The following PSMA6 variants were observed in gnomAD, a reference collection of about 807,000 sequenced individuals.
PSMA6 encodes proteasome 20S subunit alpha 6, also known as proteasome subunit alpha type-6.
For synonymous variants in PSMA6, 88 were observed against 97.7 expected (o/e 0.90, Z 0.59); for missense variants, 170 against 294.8 (o/e 0.58, Z 3.10).
chr14:35,291,322 G>C (rs2138710818), upstream of PSMA6, among the ~76,000 whole-genome samples: 1 of 151,240 alleles, frequency 6.6e-6, no homozygotes, highest in Middle Eastern at 3.5e-3. Flanking sequence ...GGTTCACGCC[G>C]TTCTCCTGCC....
chr14:35,294,182 A>G (rs1259028344), intron 1 of PSMA6, among the ~76,000 whole-genome samples: 1 of 152,188 alleles, frequency 6.6e-6, no homozygotes, highest in East Asian at 1.9e-4. Context: ...CTGGGATTAC[A>G]GGCATGCGCC....
chr14:35,310,981 G>C (rs775889755), intron 4 of PSMA6, 86 bp downstream of exon 4: 5 of 1,349,142 alleles, frequency 3.7e-6, no homozygotes, highest in Non-Finnish European at 5.1e-6. Context: ...AATAACACTT[G>C]AGTTCTGAAC....
rs144537727 is a variant in PSMA6, at chr14:35,295,002, G to A, written c.76+2450G>A. ...ACTTGGGACTCAAAAGATAAATGTCGTCTAAAGTTGATATATCAAAAAATA... is the reference window on the plus strand; with the variant it reads ...ACTTGGGACTCAAAAGATAAATGTCATCTAAAGTTGATATATCAAAAAATA... On this transcript the variant is annotated intron_variant, in intron 1 of 6. Transcript: ENST00000261479. Among the ~76,000 whole-genome samples, 145 of 152,144 alleles carry A rather than the reference G, an allele frequency of 9.5e-4. 1 individual carries two copies. Among genetic ancestry groups the A allele is most frequent in the African/African-American group, 3.2e-3 (131 of 41,488 alleles).
intron 1 of PSMA6, among the ~76,000 whole-genome samples, chr14:35,299,444 C>T (rs2051667734): frequency 6.6e-6 from 1 of 150,384 alleles, no homozygotes; most frequent in Non-Finnish European, 1.5e-5. Context: ...TGCCTCAGCA[C>T]CCCAATAGCT....
intron 1 of PSMA6, among the ~76,000 whole-genome samples, chr14:35,287,031 A>G (rs1052816815): frequency 3.3e-5 from 5 of 152,176 alleles, no homozygotes; most frequent in African/African-American, 1.2e-4. Context: ...CCCATAAATT[A>G]TAGAACTAGA....
intron 1 of PSMA6, among the ~76,000 whole-genome samples, chr14:35,297,987 T>G (rs1245777824): frequency 6.6e-6 from 1 of 152,240 alleles, no homozygotes; most frequent in Non-Finnish European, 1.5e-5. Flanking sequence ...CCATTTTGTT[T>G]GAGCAAGGAA....
At chr14:35,306,643 GT>G (rs2051832874) in intron 1 of PSMA6, among the ~76,000 whole-genome samples, 1 of 152,134 alleles carries the variant, frequency 6.6e-6, no homozygotes, top group Admixed American at 6.5e-5. Flanking sequence ...GGAGGCAGAG[GT>G]TGTAGTGAGC....
Position 35,285,353 on chromosome 14 carries a change from AAC to A in PSMA6, c.19+6637_19+6638del, listed in dbSNP as rs1555335384. ...AAACTCTATCTCAAAAAAAACAAAAAACAAAAAAAAAAACCGTAGCACACTCT... is the reference window on the plus strand; with the variant it reads ...AAACTCTATCTCAAAAAAAACAAAAAAAAAAAAAAAACCGTAGCACACTCT... On this transcript the variant is annotated intron_variant, in intron 1 of 6. Transcript: ENST00000540871. 7.7e-3 allele frequency among the ~76,000 whole-genome samples: 282 copies of A among 36,578 alleles called. 8 individuals are homozygous for A. The highest frequency in any genetic ancestry group is 0.011 in the African/African-American group (234 of 21,518). 24.0% of individuals were successfully genotyped at this position (36,578 alleles called of 152,430 possible).
At chr14:35,316,134 C>G (rs1226635257) in intron 6 of PSMA6, 5 of 152,088 alleles carry the variant, frequency 3.3e-5, no homozygotes, top group African/African-American at 1.2e-4. Flanking sequence ...ACCTGTAATC[C>G]CAGCACTTTG....
upstream of PSMA6, chr14:35,292,324 C>T: frequency 6.8e-7 from 1 of 1,472,048 alleles, no homozygotes; most frequent in Non-Finnish European, 9.0e-7. Flanking sequence ...AGTGCTCGAA[C>T]TGGCTCCAGA....
chr14:35,291,746 T>C (rs1440715037), upstream of PSMA6, among the ~76,000 whole-genome samples: 4 of 142,476 alleles, frequency 2.8e-5, no homozygotes, highest in Non-Finnish European at 6.0e-5. Context: ...TCGCTTGAAC[T>C]CAGGAGGGGG....
chr14:35,304,622 C>T (rs1407246294), intron 1 of PSMA6, among the ~76,000 whole-genome samples: 2 of 151,464 alleles, frequency 1.3e-5, no homozygotes, highest in East Asian at 1.9e-4. Flanking sequence ...CCCAGCTACT[C>T]GGGAGGCTCA....
chr14:35,296,431 A>G (rs185524299), intron 1 of PSMA6, among the ~76,000 whole-genome samples: 14 of 152,210 alleles, frequency 9.2e-5, no homozygotes, highest in South Asian at 8.3e-4. Flanking sequence ...TCTGGGTTCA[A>G]GTGATTCTCC....
At chr14:35,293,116 A>ATTTACAATTTACAAATTTACAAATTT (rs1246389902) in intron 1 of PSMA6, 12 of 432,260 alleles carry the variant, frequency 2.8e-5, no homozygotes, top group African/African-American at 2.2e-4. Flanking sequence ...AAAAATTAAA[A>ATTTACAATTTACAAATTTACAAATTT]GTGCCAATTT....
chr14:35,286,319 A>G (rs2051421383), intron 1 of PSMA6, among the ~76,000 whole-genome samples: 1 of 152,156 alleles, frequency 6.6e-6, no homozygotes, highest in African/African-American at 2.4e-5. Flanking sequence ...TGTTCTCTCA[A>G]GCTATGAAGG....
intron 1 of PSMA6, among the ~76,000 whole-genome samples, chr14:35,306,721 C>T (rs2051833933): frequency 6.6e-6 from 1 of 152,122 alleles, no homozygotes; most frequent in Admixed American, 6.6e-5. Context: ...TGTCGAAAGA[C>T]AGCCATTATC....
At chr14:35,300,777 C>T (rs1378161768) in intron 1 of PSMA6, among the ~76,000 whole-genome samples, 1 of 152,090 alleles carries the variant, frequency 6.6e-6, no homozygotes, top group African/African-American at 2.4e-5. Flanking sequence ...AAAGCAAATC[C>T]TAGGTATAAG....
intron 1 of PSMA6, chr14:35,292,916 A>G (rs980868924): frequency 2.1e-6 from 1 of 481,890 alleles, no homozygotes; most frequent in African/African-American, 2.0e-5. Flanking sequence ...TAACGTCTCA[A>G]CTAAAATGCC....
At chr14:35,286,990 C>T (rs535293986) in intron 1 of PSMA6, among the ~76,000 whole-genome samples, 1 of 152,262 alleles carries the variant, frequency 6.6e-6, no homozygotes, top group African/African-American at 2.4e-5. Context: ...CCCCAAACCA[C>T]ATTTGGTGCT....
Sources: gnomAD v4.1 joint callset for allele counts (sites outside exome capture counted in the v4.1 genomes callset) on GRCh38, gnomAD v4.1.1 for gene constraint, MANE v1.5 for transcripts, NCBI Gene and HGNC (gene_info 2026-07-23, HGNC 2026-07-21) for gene names.